ZEB1: variants seen among roughly 807,000 people sequenced by gnomAD.
ZEB1 encodes the protein zinc finger E-box-binding homeobox 1.
ZEB1 carries 21 observed loss-of-function variants against 84.9 expected under a neutral mutation model. The ratio of observed to expected loss-of-function variants is 0.25; its 90% CI spans 0.18 to 0.36. The LOEUF (loss-of-function observed/expected upper bound fraction) is 0.36. ZEB1 is among the 10% of genes least tolerant of loss of function. The pLI, the probability that ZEB1 is intolerant of heterozygous loss-of-function variation, is 1.00. For missense variants in ZEB1, 1,104 were observed against 1,330.2 expected (o/e 0.83, Z 2.65); for synonymous variants, 420 against 471.1 (o/e 0.89, Z 1.41).
intron 4 of ZEB1, among the ~76,000 whole-genome samples, chr10:31,507,540 T>C (rs1337341765): frequency 2.6e-5 from 4 of 152,040 alleles, no homozygotes; most frequent in African/African-American, 9.7e-5. Flanking sequence ...TATTCTTTTT[T>C]CTCTTACTAG....
chr10:31,380,531 T>A (rs1030958112), intron 1 of ZEB1, among the ~76,000 whole-genome samples: 1 of 151,954 alleles, frequency 6.6e-6, no homozygotes, highest in African/African-American at 2.4e-5. Flanking sequence ...CAATCTTTCC[T>A]CCCGTGGGAA....
At chr10:31,469,158 C>A (rs1275925769) in intron 2 of ZEB1, among the ~76,000 whole-genome samples, 1 of 152,048 alleles carries the variant, frequency 6.6e-6, no homozygotes, top group Non-Finnish European at 1.5e-5. Flanking sequence ...CTAGACAAAC[C>A]AGAAGAAAGA....
At chr10:31,498,882 GTAAT>G (rs1343442397) in intron 3 of ZEB1, among the ~76,000 whole-genome samples, 5 of 151,854 alleles carry the variant, frequency 3.3e-5, no homozygotes, top group Non-Finnish European at 5.9e-5. Flanking sequence ...TTCATAAACA[GTAAT>G]TAATTGTAAT....
chr10:31,523,819 C>T (rs2072867655), intron 7 of ZEB1, 114 bp from the exon 8 acceptor site: 1 of 1,258,658 alleles, frequency 7.9e-7, no homozygotes, highest in Non-Finnish European at 1.1e-6. Context: ...TTGGTCAAGT[C>T]CTTGAAAGTA....
intron 5 of ZEB1, among the ~76,000 whole-genome samples, chr10:31,512,307 A>G (rs2070229455): frequency 1.3e-5 from 2 of 152,168 alleles, no homozygotes; most frequent in African/African-American, 2.4e-5. Flanking sequence ...ATGCCATTAT[A>G]AAAACAAACT....
At chr10:31,353,451 C>G (rs1202205943) in intron 1 of ZEB1, among the ~76,000 whole-genome samples, 1 of 152,164 alleles carries the variant, frequency 6.6e-6, no homozygotes, top group Non-Finnish European at 1.5e-5. Context: ...ATGTAATGAG[C>G]TACTAATTGG....
chr10:31,396,090 C>T (rs887611612), intron 1 of ZEB1, among the ~76,000 whole-genome samples: 2 of 152,136 alleles, frequency 1.3e-5, no homozygotes, highest in Admixed American at 1.3e-4. Flanking sequence ...TTTGTTGTTG[C>T]ACAACATTGT....
At chr10:31,361,347 C>T (rs2043032712) in intron 1 of ZEB1, 37 of 790,566 alleles carry the variant, frequency 4.7e-5, no homozygotes, top group Admixed American at 1.0e-4. Flanking sequence ...CACAAGCCAC[C>T]ATGCCCGCCT....
intron 2 of ZEB1, among the ~76,000 whole-genome samples, chr10:31,495,165 T>C (rs1308776796): frequency 6.6e-6 from 1 of 152,062 alleles, no homozygotes; most frequent in Non-Finnish European, 1.5e-5. Flanking sequence ...GGGCAAGTTA[T>C]TTAACTTCTC....
At chr10:31,473,568 A>G (rs2063599817) in intron 2 of ZEB1, among the ~76,000 whole-genome samples, 1 of 150,920 alleles carries the variant, frequency 6.6e-6, no homozygotes, top group Non-Finnish European at 1.5e-5. Context: ...GAGGATACAA[A>G]CAAATGGAAG....
intron 2 of ZEB1, among the ~76,000 whole-genome samples, chr10:31,469,705 C>A (rs1274481337): frequency 6.6e-6 from 1 of 152,238 alleles, no homozygotes; most frequent in Non-Finnish European, 1.5e-5. Flanking sequence ...CTGGGTGAAG[C>A]CCACCACAGC....
intron 1 of ZEB1, among the ~76,000 whole-genome samples, chr10:31,430,282 GTAGC>G (rs1174983317): frequency 6.6e-6 from 1 of 152,110 alleles, no homozygotes; most frequent in Admixed American, 6.6e-5. Flanking sequence ...CTGTGTAGTG[GTAGC>G]TTATAGGGTC....
chr10:31,321,638 G>A, intron 1 of ZEB1: 1 of 1,510,420 alleles, frequency 6.6e-7, no homozygotes, highest in Non-Finnish European at 9.2e-7. Flanking sequence ...TGACATGTGA[G>A]TCTGAACCAC....
At chr10:31,482,641 A>AT (rs1304410574) in intron 2 of ZEB1, among the ~76,000 whole-genome samples, 1 of 151,916 alleles carries the variant, frequency 6.6e-6, no homozygotes, top group Non-Finnish European at 1.5e-5. Context: ...AAGAATGTTG[A>AT]TTTTTTACAG....
At chr10:31,522,042 T>C in intron 7 of ZEB1, 106 bp downstream of exon 7, 2 of 1,496,832 alleles carry the variant, frequency 1.3e-6, no homozygotes, top group Non-Finnish European at 1.8e-6. Context: ...ACTAGATTAT[T>C]ACAAACTGTC....
chr10:31,450,507 T>C (rs1190537785), intron 1 of ZEB1, among the ~76,000 whole-genome samples: 1 of 152,144 alleles, frequency 6.6e-6, no homozygotes, highest in Non-Finnish European at 1.5e-5. Flanking sequence ...TCTATAAATG[T>C]TATTCTGCAA....
At chr10:31,483,299 T>G (rs897794392) in intron 2 of ZEB1, among the ~76,000 whole-genome samples, 1 of 152,032 alleles carries the variant, frequency 6.6e-6, no homozygotes, top group African/African-American at 2.4e-5. Flanking sequence ...AGATGTTGGC[T>G]CCTTTCTAAA....
intron 1 of ZEB1, among the ~76,000 whole-genome samples, chr10:31,394,567 G>A (rs1439376369): frequency 6.6e-6 from 1 of 152,172 alleles, no homozygotes; most frequent in African/African-American, 2.4e-5. Flanking sequence ...CACCAAGGGA[G>A]ACCTCTTGCC....
intron 4 of ZEB1, among the ~76,000 whole-genome samples, chr10:31,506,740 A>C (rs1251816675): frequency 6.6e-6 from 1 of 152,044 alleles, no homozygotes; most frequent in African/African-American, 2.4e-5. Context: ...TTAAGTGGAA[A>C]GTTTAATCCG....
Sources: allele counts gnomAD v4.1 joint callset (sites outside exome capture counted in the v4.1 genomes callset), GRCh38; gene constraint gnomAD v4.1.1; transcripts MANE v1.5; gene names NCBI Gene and HGNC (gene_info 2026-07-23, HGNC 2026-07-21).